The following ARHGAP24 variants were observed in gnomAD, a reference collection of about 807,000 sequenced individuals.
ARHGAP24 encodes the protein Rho GTPase activating protein 24, also known as rho GTPase-activating protein 24.
A neutral mutation model predicts 76.4 loss-of-function variants in ARHGAP24; 50 were observed. The observed-to-expected ratio is 0.65, with a 90% CI of 0.52 to 0.83. The LOEUF (loss-of-function observed/expected upper bound fraction) is 0.83. ARHGAP24 is among the 40% of genes least tolerant of loss of function. The pLI is 0.00. For missense variants in ARHGAP24, 930 were observed against 914.2 expected, an observed-to-expected ratio of 1.02 and a Z score of -0.22; for synonymous variants, 345 against 323.3, an observed-to-expected ratio of 1.07 and a Z score of -0.72.
chr4:85,604,579 C>T (rs1021913691), intron 2 of ARHGAP24, among the ~76,000 whole-genome samples: 1 of 152,100 alleles, frequency 6.6e-6, no homozygotes, highest in Non-Finnish European at 1.5e-5. Flanking sequence ...GATGTATCGT[C>T]TCACTTTAGA....
At chr4:85,549,557 CTTTGCAAATA>C (rs1417538317) in intron 1 of ARHGAP24, among the ~76,000 whole-genome samples, 14 of 152,036 alleles carry the variant, frequency 9.2e-5, no homozygotes, top group African/African-American at 3.1e-4. Flanking sequence ...CAGATATATG[CTTTGCAAATA>C]TTTTCTGACA....
chr4:85,570,324 T>C (rs1256071934), intron 1 of ARHGAP24, among the ~76,000 whole-genome samples, 198 bp from the exon 2 acceptor site: 1 of 151,860 alleles, frequency 6.6e-6, no homozygotes, highest in Non-Finnish European at 1.5e-5. Flanking sequence ...TTTCTCTTTC[T>C]CTCTCTCTCT....
chr4:85,544,678 G>A (rs987883255), intron 1 of ARHGAP24, among the ~76,000 whole-genome samples: 2 of 151,136 alleles, frequency 1.3e-5, no homozygotes, highest in African/African-American at 4.9e-5. Context: ...ATACATATAT[G>A]TATATATATA....
intron 2 of ARHGAP24, among the ~76,000 whole-genome samples, chr4:85,593,854 A>T (rs1435544128): frequency 6.6e-6 from 1 of 152,084 alleles, no homozygotes; most frequent in African/African-American, 2.4e-5. Flanking sequence ...TAGTTACAAT[A>T]GCTTTGTGGT....
At chr4:85,710,822 G>A (rs1724500202) in intron 2 of ARHGAP24, among the ~76,000 whole-genome samples, 1 of 151,942 alleles carries the variant, frequency 6.6e-6, no homozygotes, top group East Asian at 1.9e-4. Context: ...AGGTGCTGAC[G>A]AGGTTGCTGA....
At chr4:85,551,262 C>T (rs1726126200) in intron 1 of ARHGAP24, among the ~76,000 whole-genome samples, 1 of 152,086 alleles carries the variant, frequency 6.6e-6, no homozygotes, top group Admixed American at 6.5e-5. Context: ...TATCAAAAGC[C>T]TTTTCTGAAT....
intron 2 of ARHGAP24, among the ~76,000 whole-genome samples, chr4:85,641,830 C>T (rs1302189486): frequency 6.6e-6 from 1 of 152,144 alleles, no homozygotes; most frequent in East Asian, 1.9e-4. Context: ...CTCCACCCTC[C>T]AGGAGCCTCC....
chr4:85,684,775 G>T (rs1001301809), intron 2 of ARHGAP24, among the ~76,000 whole-genome samples: 2 of 152,140 alleles, frequency 1.3e-5, no homozygotes, highest in African/African-American at 4.8e-5. Flanking sequence ...AGTTGTTAGT[G>T]TCTAATAAAG....
intron 2 of ARHGAP24, among the ~76,000 whole-genome samples, chr4:85,654,902 T>A (rs1722084457): frequency 6.6e-6 from 1 of 152,208 alleles, no homozygotes; most frequent in Non-Finnish European, 1.5e-5. Flanking sequence ...GTTTTGGATA[T>A]TAGAAAAATT....
intron 2 of ARHGAP24, among the ~76,000 whole-genome samples, chr4:85,645,627 A>G (rs1440284337): frequency 3.9e-5 from 6 of 152,118 alleles, no homozygotes; most frequent in African/African-American, 1.2e-4. Flanking sequence ...CTGCGTGTCC[A>G]TCTTGTGCTG....
At chr4:85,564,722 C>A (rs1191171642) in intron 1 of ARHGAP24, among the ~76,000 whole-genome samples, 1 of 150,962 alleles carries the variant, frequency 6.6e-6, no homozygotes, top group Non-Finnish European at 1.5e-5. Flanking sequence ...AGATCCCTTG[C>A]TGGGCAGTTC....
chr4:85,901,454 A>G (rs752406894), intron 3 of ARHGAP24, among the ~76,000 whole-genome samples: 1 of 152,218 alleles, frequency 6.6e-6, no homozygotes, highest in Non-Finnish European at 1.5e-5. Context: ...CCTACCACAT[A>G]GTAGACCAGT....
intron 2 of ARHGAP24, among the ~76,000 whole-genome samples, chr4:85,701,558 T>C (rs1724089295): frequency 6.6e-6 from 1 of 152,166 alleles, no homozygotes; most frequent in African/African-American, 2.4e-5. Flanking sequence ...TTTACAGTGA[T>C]TGCATCCTAC....
In ARHGAP24 at chr4:85,616,621, G is replaced by A. The variant is rs189911223; in HGVS notation, c.180+45900G>A. ...CAAAGTCTCTCTCCTTTGCCTGTTT[G>A]TATTTTGCTTCATTTTATTTTATTA... is the stretch of plus-strand genomic sequence containing the variant. On this transcript the variant is annotated intron_variant, in intron 2 of 9. Coordinates refer to ENST00000395184, the MANE Select transcript of ARHGAP24 (RefSeq NM_001025616.3). Among the ~76,000 whole-genome samples the A allele has an allele frequency of 1.4e-3, 217 of 152,102 alleles. 2 individuals are homozygous for A. The highest frequency in any genetic ancestry group is 3.4e-3 in the Middle Eastern group (1 of 294).
chr4:85,967,343 C>T (rs1738678512), intron 5 of ARHGAP24, among the ~76,000 whole-genome samples: 1 of 151,988 alleles, frequency 6.6e-6, no homozygotes, highest in African/African-American at 2.4e-5. Context: ...TATTTTTCAC[C>T]TAGCATTTAG....
intron 3 of ARHGAP24, among the ~76,000 whole-genome samples, chr4:85,755,727 G>C (rs1252202277): frequency 6.7e-6 from 1 of 148,888 alleles, no homozygotes; most frequent in African/African-American, 2.5e-5. Flanking sequence ...CTGCCTCCCA[G>C]GGTCAAGTGA....
intron 3 of ARHGAP24, among the ~76,000 whole-genome samples, chr4:85,881,012 T>C (rs1250396630): frequency 6.6e-6 from 1 of 152,224 alleles, no homozygotes; most frequent in Admixed American, 6.5e-5. Flanking sequence ...TTATGGCTTC[T>C]TTTTGGCATA....
intron 2 of ARHGAP24, among the ~76,000 whole-genome samples, chr4:85,641,617 A>G (rs534171910): frequency 6.6e-6 from 1 of 152,188 alleles, no homozygotes; most frequent in Non-Finnish European, 1.5e-5. Context: ...ACCACCTTGC[A>G]ATACCTCAAT....
chr4:85,624,174 A>AG (rs1456493415), intron 2 of ARHGAP24, among the ~76,000 whole-genome samples: 2 of 152,084 alleles, frequency 1.3e-5, no homozygotes, highest in African/African-American at 2.4e-5. Context: ...CCGTTTTCAA[A>AG]GGAATGCTTC....
Sources: gnomAD v4.1 joint callset for allele counts (sites outside exome capture counted in the v4.1 genomes callset) on GRCh38, gnomAD v4.1.1 for gene constraint, MANE v1.5 for transcripts, NCBI Gene and HGNC (gene_info 2026-07-23, HGNC 2026-07-21) for gene names.